MYO10: variants seen among roughly 807,000 people sequenced by gnomAD.
The protein encoded by MYO10 is myosin X.
MYO10 carries 133 observed loss-of-function variants against 257.3 expected under a neutral mutation model. The ratio of observed to expected loss-of-function variants is 0.52; its 90% CI spans 0.45 to 0.60. MYO10 has a LOEUF of 0.60. Among genes scored for constraint, MYO10 ranks in the 20% least tolerant of loss-of-function variants. The probability of loss-of-function intolerance (pLI) is 0.00; values close to 1 mark genes in which losing one functional copy is unlikely to be tolerated. For synonymous variants in MYO10, 1,104 were observed against 1,028.6 expected (o/e 1.07, Z -1.40); for missense variants, 2,399 against 2,635.7 (o/e 0.91, Z 1.97).
chr5:16,662,077 CTGAA>C lies in MYO10; in HGVS notation c.*4611_*4614del, dbSNP rs1345480828. 6.6e-6 allele frequency: 1 copy of C among 152,146 alleles called. No homozygotes were observed. The highest frequency in any genetic ancestry group is 2.4e-5 in the African/African-American group (1 of 41,426). The allele number at this position is 152,146 out of a possible 1,614,324, so 9.4% of individuals were successfully genotyped here. ...GCAATCGTGATGCTTCTCTGATCAA[CTGAA>C]TGAAACAGTTATAAATGTACTGGCT... On this transcript the variant is annotated 3_prime_UTR_variant, in exon 41 of 41. Transcript: ENST00000513610.
At chr5:16,791,185 G>C (rs1296590843) in intron 4 of MYO10, among the ~76,000 whole-genome samples, 1 of 152,082 alleles carries the variant, frequency 6.6e-6, no homozygotes, top group Non-Finnish European at 1.5e-5. Context: ...TCAAGCATGA[G>C]AATGTTTTTA....
intron 2 of MYO10, among the ~76,000 whole-genome samples, chr5:16,843,511 G>T (rs201889739): frequency 6.6e-6 from 1 of 152,142 alleles, no homozygotes; most frequent in East Asian, 1.9e-4. Flanking sequence ...TAAGCAGCAG[G>T]CAGGGCTAGG....
At chr5:16,804,778 G>A (rs542240212) in intron 3 of MYO10, among the ~76,000 whole-genome samples, 3 of 152,146 alleles carry the variant, frequency 2.0e-5, no homozygotes, top group Admixed American at 6.5e-5. Flanking sequence ...AGCTGGGTGT[G>A]GTAGTGCATG....
chr5:16,894,472 G>C (rs535409726), intron 1 of MYO10, among the ~76,000 whole-genome samples: 1 of 152,102 alleles, frequency 6.6e-6, no homozygotes, highest in Non-Finnish European at 1.5e-5. Context: ...GAACCTCCAC[G>C]GGCCTTCATT....
Position 16,876,604 on chromosome 5 carries a change from G to C in MYO10, c.120+1005C>G, listed in dbSNP as rs117099830. ...GAGTCTTGCTCTGTCACCCAGACCT[G>C]AGTGCAGTGGTGCAATCTCGGCTCA... On this transcript the variant is annotated intron_variant, in intron 2 of 40. Coordinates refer to ENST00000513610, the MANE Select transcript of MYO10 (RefSeq NM_012334.3). 3.7e-4 allele frequency among the ~76,000 whole-genome samples: 56 copies of C among 152,272 alleles called. No individual in the cohort carries two copies. The East Asian group carries it at 0.01, about 28-fold the overall frequency.
At chr5:16,672,666 C>T in intron 37 of MYO10, 23 bp downstream of exon 37, 1 of 1,613,522 alleles carries the variant, frequency 6.2e-7, no homozygotes, top group Middle Eastern at 1.7e-4. Context: ...GCTCTTCTGA[C>T]ACAGTAGGGA....
At chr5:16,691,260 A>G (rs1326946054) in intron 27 of MYO10, among the ~76,000 whole-genome samples, 1 of 137,090 alleles carries the variant, frequency 7.3e-6, no homozygotes, top group Non-Finnish European at 1.6e-5. Context: ...AAAGAGTGAG[A>G]CTCCGTCTCA....
chr5:16,842,248 G>C (rs2126727963), intron 2 of MYO10, among the ~76,000 whole-genome samples: 1 of 152,232 alleles, frequency 6.6e-6, no homozygotes, highest in East Asian at 1.9e-4. Context: ...TTTGCTAAAA[G>C]CTCCACTGTT....
chr5:16,886,232 G>A (rs1321155549), intron 1 of MYO10, among the ~76,000 whole-genome samples: 1 of 152,186 alleles, frequency 6.6e-6, no homozygotes, highest in Non-Finnish European at 1.5e-5. Flanking sequence ...TACAGAGGAA[G>A]GAAAAGTAAT....
chr5:16,702,453 T>A, intron 24 of MYO10, 90 bp downstream of exon 24: 1 of 1,205,404 alleles, frequency 8.3e-7, no homozygotes, highest in Non-Finnish European at 1.2e-6. Flanking sequence ...ATCTTTCTAC[T>A]TTAATTCAGT....
chr5:16,764,478 C>G, intron 11 of MYO10, 82 bp from the exon 12 acceptor site: 1 of 1,506,262 alleles, frequency 6.6e-7, no homozygotes, highest in East Asian at 2.3e-5. Flanking sequence ...ACTTGAGAGA[C>G]ACACACAAGA....
chr5:16,815,056 T>C lies in MYO10; in HGVS notation c.279+2953A>G, dbSNP rs918233081. On this transcript the variant is annotated intron_variant, in intron 3 of 40. Coordinates refer to ENST00000513610, the MANE Select transcript of MYO10 (RefSeq NM_012334.3). ...ATAACAACTTGTGTCTAGGTGGGCA[T>C]GCTGGCACGTGCCTGTAATCCCAGG... is the stretch of plus-strand genomic sequence containing the variant. 8.9e-5 allele frequency: 15 copies of C among 168,448 alleles called. 1 individual carries two copies. Among genetic ancestry groups the C allele is most frequent in the Admixed American group, 1.9e-4 (3 of 15,722 alleles). 10.4% of individuals were successfully genotyped at this position (168,448 alleles called of 1,614,324 possible).
At chr5:16,673,450 C>G (rs76288338) in intron 36 of MYO10, among the ~76,000 whole-genome samples, 2,784 of 152,220 alleles carry the variant, frequency 0.018, 86 homozygotes, top group African/African-American at 0.064. Flanking sequence ...CTCAGATTAG[C>G]AAGATTATGT....
chr5:16,859,929 G>A (rs1357251304), intron 2 of MYO10, among the ~76,000 whole-genome samples: 1 of 152,038 alleles, frequency 6.6e-6, no homozygotes, highest in Non-Finnish European at 1.5e-5. Flanking sequence ...ATAGAAACAG[G>A]TAAGGGAAAT....
chr5:16,770,923 CA>C (rs537995905), intron 9 of MYO10, among the ~76,000 whole-genome samples: 10 of 152,310 alleles, frequency 6.6e-5, no homozygotes, highest in African/African-American at 2.2e-4. Context: ...CATGCGCCAC[CA>C]CGCCTGGCTA....
intron 34 of MYO10, 25 bp from the exon 35 acceptor site, chr5:16,675,175 A>G (rs762606152): frequency 6.2e-7 from 1 of 1,610,290 alleles, no homozygotes. Context: ...ACAAACACGG[A>G]ACTCATCTGA....
Position 16,662,457 on chromosome 5 carries a change from G to A in MYO10, c.*4235C>T, listed in dbSNP as rs1422928009. 1 of 150,440 alleles carries A rather than the reference G, an allele frequency of 6.6e-6. No homozygotes were observed. Among genetic ancestry groups the A allele is most frequent in the East Asian group, 2.0e-4 (1 of 5,028 alleles). 9.3% of individuals were successfully genotyped at this position (150,440 alleles called of 1,614,324 possible). A position where few individuals can be genotyped will look rare whatever the true frequency, so the allele number is the denominator to read the frequency against. ...TCTCATCTCAGCCTCCCCAGTAGCT[G>A]GGACTACAGATGCGCACCACCACAC... On this transcript the variant is annotated 3_prime_UTR_variant, in exon 41 of 41. Transcript: ENST00000513610.
chr5:16,702,815 A>G, intron 23 of MYO10, 110 bp downstream of exon 23: 1 of 1,082,930 alleles, frequency 9.2e-7, no homozygotes, highest in Non-Finnish European at 1.3e-6. Context: ...TACTGTTTCA[A>G]ATTGTAGGTT....
intron 26 of MYO10, among the ~76,000 whole-genome samples, chr5:16,695,706 T>C (rs1737715098): frequency 6.6e-6 from 1 of 152,244 alleles, no homozygotes; most frequent in African/African-American, 2.4e-5. Context: ...ATTATAAGAC[T>C]GTCCACACAT....
Sources: gnomAD v4.1 joint callset for allele counts (sites outside exome capture counted in the v4.1 genomes callset) on GRCh38, gnomAD v4.1.1 for gene constraint, MANE v1.5 for transcripts, NCBI Gene and HGNC (gene_info 2026-07-23, HGNC 2026-07-21) for gene names.